The following GPC6 variants were observed in gnomAD, a reference collection of about 807,000 sequenced individuals.
GPC6 encodes the protein glypican 6, also known as glypican-6.
A neutral mutation model predicts 55.2 loss-of-function variants in GPC6; 14 were observed. That is an observed-to-expected ratio of 0.25 (90% CI 0.17 to 0.40). GPC6 has a LOEUF of 0.40. Among genes scored for constraint, GPC6 ranks in the 10% least tolerant of loss-of-function variants. GPC6 has a pLI of 1.00. For synonymous variants in GPC6, 278 were observed against 259.6 expected, an observed-to-expected ratio of 1.07 and a Z score of -0.68; for missense variants, 641 against 708.5, an observed-to-expected ratio of 0.90 and a Z score of 1.08.
intron 2 of GPC6, among the ~76,000 whole-genome samples, chr13:93,610,701 C>A (rs1366420644): frequency 1.3e-5 from 2 of 151,914 alleles, no homozygotes; most frequent in African/African-American, 2.4e-5. Context: ...TACATATGTA[C>A]CTACTTACAT....
chr13:94,187,616 A>T (rs967948786), intron 4 of GPC6, among the ~76,000 whole-genome samples: 1 of 152,228 alleles, frequency 6.6e-6, no homozygotes, highest in African/African-American at 2.4e-5. Context: ...GGTATTCAAC[A>T]AATACTTATA....
chr13:94,073,637 T>A (rs1217977908), intron 4 of GPC6, among the ~76,000 whole-genome samples: 1 of 152,210 alleles, frequency 6.6e-6, no homozygotes, highest in African/African-American at 2.4e-5. Flanking sequence ...ACGGAGATTC[T>A]GCTGATGAGA....
At chr13:93,600,071 T>C (rs1039760051) in intron 2 of GPC6, among the ~76,000 whole-genome samples, 2 of 152,194 alleles carry the variant, frequency 1.3e-5, no homozygotes, top group Non-Finnish European at 1.5e-5. Context: ...TTTTAATGAA[T>C]TTTTAAATTA....
intron 4 of GPC6, among the ~76,000 whole-genome samples, chr13:94,079,155 G>T (rs1053521065): frequency 6.6e-5 from 10 of 152,026 alleles, no homozygotes; most frequent in African/African-American, 2.4e-4. Context: ...GGGGAGGACA[G>T]GCATAGATTG....
intron 3 of GPC6, among the ~76,000 whole-genome samples, chr13:93,946,065 T>C (rs1594610275): frequency 6.6e-6 from 1 of 152,140 alleles, no homozygotes; most frequent in Non-Finnish European, 1.5e-5. Context: ...ATCAAAACAA[T>C]TAGTGAAGTC....
At chr13:94,109,471 A>G (rs1347671324) in intron 4 of GPC6, among the ~76,000 whole-genome samples, 1 of 152,180 alleles carries the variant, frequency 6.6e-6, no homozygotes, top group Non-Finnish European at 1.5e-5. Context: ...AGACTATTTT[A>G]GTCTACAATG....
chr13:94,142,811 T>C (rs887021982), intron 4 of GPC6, among the ~76,000 whole-genome samples: 4 of 151,908 alleles, frequency 2.6e-5, no homozygotes, highest in African/African-American at 9.7e-5. Flanking sequence ...GAGGAACATT[T>C]TGGTCGTGGA....
intron 2 of GPC6, among the ~76,000 whole-genome samples, chr13:93,796,957 C>A (rs1429201272): frequency 1.3e-5 from 2 of 152,244 alleles, no homozygotes; most frequent in Non-Finnish European, 1.5e-5. Flanking sequence ...CTAACTTTTT[C>A]AAACACAAAG....
At chr13:93,694,097 C>G (rs538474925) in intron 2 of GPC6, among the ~76,000 whole-genome samples, 2 of 152,290 alleles carry the variant, frequency 1.3e-5, no homozygotes, top group East Asian at 3.9e-4. Context: ...AGCAACACAT[C>G]TGATTTTTCC....
chr13:93,637,443 T>A (rs1879746416), intron 2 of GPC6, among the ~76,000 whole-genome samples: 1 of 152,170 alleles, frequency 6.6e-6, no homozygotes, highest in African/African-American at 2.4e-5. Context: ...CCAGACTAAT[T>A]CAAATCAACT....
At chr13:93,939,662 C>T (rs547304157) in intron 3 of GPC6, among the ~76,000 whole-genome samples, 1 of 151,958 alleles carries the variant, frequency 6.6e-6, no homozygotes, top group South Asian at 2.1e-4. Flanking sequence ...GTTGCCCAGG[C>T]TGGTCTTGAG....
At chr13:93,802,420 GAGAC>G (rs1886405106) in intron 2 of GPC6, among the ~76,000 whole-genome samples, 1 of 150,182 alleles carries the variant, frequency 6.7e-6, no homozygotes, top group Non-Finnish European at 1.5e-5. Context: ...TTTTTTTTAA[GAGAC>G]AGAGTTTCAG....
intron 1 of GPC6, among the ~76,000 whole-genome samples, chr13:93,230,737 A>G (rs756272336): frequency 6.6e-6 from 1 of 152,080 alleles, no homozygotes; most frequent in African/African-American, 2.4e-5. Flanking sequence ...GTCTTTCCTC[A>G]TTCATCAGAA....
At chr13:94,277,691 C>A (rs993850161) in intron 4 of GPC6, among the ~76,000 whole-genome samples, 5 of 152,138 alleles carry the variant, frequency 3.3e-5, no homozygotes, top group African/African-American at 4.8e-5. Context: ...ATAAGAAATC[C>A]TTTCCCCATC....
chr13:93,318,372 G>A (rs956036), intron 1 of GPC6, among the ~76,000 whole-genome samples: 55,908 of 151,842 alleles, frequency 0.37, 10,713 homozygotes, highest in East Asian at 0.68. Context: ...AATATGAGTA[G>A]TATAGTTCTT....
intron 4 of GPC6, among the ~76,000 whole-genome samples, chr13:94,232,087 A>G (rs550933480): frequency 6.6e-6 from 1 of 152,340 alleles, no homozygotes; most frequent in African/African-American, 2.4e-5. Context: ...ATATTTTCTA[A>G]GAAAGCAAAG....
At chr13:94,319,912 T>C (rs1426124881) in intron 6 of GPC6, among the ~76,000 whole-genome samples, 1 of 152,218 alleles carries the variant, frequency 6.6e-6, no homozygotes, top group African/African-American at 2.4e-5. Context: ...GATTGGTTTC[T>C]TTGATTGTTC....
At chr13:94,140,824 G>T (rs919367934) in intron 4 of GPC6, among the ~76,000 whole-genome samples, 1 of 152,042 alleles carries the variant, frequency 6.6e-6, no homozygotes, top group African/African-American at 2.4e-5. Context: ...ATAAATCAGA[G>T]CCATTTTCAA....
chr13:93,975,341 T>C lies in GPC6; in HGVS notation c.712-52388T>C, dbSNP rs1880468477. Among the ~76,000 whole-genome samples, 3 of 152,134 alleles carry C rather than the reference T, an allele frequency of 2.0e-5. No individual in the cohort carries two copies. The South Asian group carries it at 6.2e-4, about 32-fold the overall frequency. On this transcript the variant is annotated intron_variant, in intron 3 of 8. Coordinates refer to ENST00000377047, the MANE Select transcript of GPC6 (RefSeq NM_005708.5). ...AATTTTACTTTGGGGATTTCTTGAG[T>C]TTTATGCATTAGAGATCATAATAAT...
Sources: allele counts gnomAD v4.1 joint callset (sites outside exome capture counted in the v4.1 genomes callset), GRCh38; gene constraint gnomAD v4.1.1; transcripts MANE v1.5; gene names NCBI Gene and HGNC (gene_info 2026-07-23, HGNC 2026-07-21).